NVL: variants seen among roughly 807,000 people sequenced by gnomAD.
NVL encodes the protein nuclear valosin-containing protein-like.
A neutral mutation model predicts 110.2 loss-of-function variants in NVL; 84 were observed. The observed-to-expected ratio is 0.76, with a 90% CI of 0.64 to 0.91. NVL has a LOEUF of 0.91. NVL is among the 40% of genes least tolerant of loss of function. The probability of loss-of-function intolerance (pLI) is 0.00; values close to 1 mark genes in which losing one functional copy is unlikely to be tolerated. For synonymous variants in NVL, 354 were observed against 361.1 expected, an observed-to-expected ratio of 0.98 and a Z score of 0.22; for missense variants, 882 against 1,035.9, an observed-to-expected ratio of 0.85 and a Z score of 2.04.
At chr1:224,238,812 T>C (rs1278552407) in intron 19 of NVL, among the ~76,000 whole-genome samples, 1 of 152,166 alleles carries the variant, frequency 6.6e-6, no homozygotes, top group East Asian at 1.9e-4. Context: ...TGTGGGAATG[T>C]TCTATTTTAT....
intron 13 of NVL, chr1:224,289,080 C>T (rs1019523556): frequency 1.3e-4 from 23 of 173,126 alleles, no homozygotes; most frequent in Non-Finnish European, 1.2e-4. Context: ...CTGTAAACAC[C>T]GTAGGCTTTG....
intron 19 of NVL, among the ~76,000 whole-genome samples, chr1:224,237,953 C>G (rs1404072500): frequency 7.5e-6 from 1 of 133,830 alleles, no homozygotes; most frequent in African/African-American, 3.1e-5. Flanking sequence ...GAGTTGGAGA[C>G]TTGGTTTCAA....
At chr1:224,301,983 T>C (rs1437500109) in intron 9 of NVL, among the ~76,000 whole-genome samples, 1 of 152,146 alleles carries the variant, frequency 6.6e-6, no homozygotes, top group African/African-American at 2.4e-5. Flanking sequence ...CATTATTATG[T>C]ACAGCATTTA....
At chr1:224,309,544 A>G (rs1669308056) in intron 5 of NVL, among the ~76,000 whole-genome samples, 1 of 151,842 alleles carries the variant, frequency 6.6e-6, no homozygotes, top group Admixed American at 6.6e-5. Flanking sequence ...AAATATTTTG[A>G]TAATATATTC....
At chr1:224,228,829 C>T (rs1418650456) in intron 22 of NVL, among the ~76,000 whole-genome samples, 3 of 144,154 alleles carry the variant, frequency 2.1e-5, no homozygotes, top group East Asian at 4.1e-4. Context: ...GTCCCAGCTA[C>T]TCGGGAGGCT....
intron 4 of NVL, chr1:224,312,174 T>G (rs1198184907): frequency 3.7e-5 from 7 of 187,570 alleles, no homozygotes; most frequent in African/African-American, 1.6e-4. Context: ...AAATTATAGT[T>G]ATATTTATCC....
intron 19 of NVL, among the ~76,000 whole-genome samples, chr1:224,240,503 G>A (rs926529080): frequency 5.3e-5 from 8 of 152,150 alleles, no homozygotes; most frequent in South Asian, 4.1e-4. Flanking sequence ...GAGCCACAGC[G>A]CCCAGCAGAG....
intron 4 of NVL, chr1:224,312,157 G>A: frequency 4.7e-6 from 1 of 211,740 alleles, no homozygotes; most frequent in South Asian, 1.4e-4. Context: ...TATAATAAAT[G>A]CAAAATAAAT....
intron 19 of NVL, among the ~76,000 whole-genome samples, chr1:224,248,145 C>A (rs181323097): frequency 6.6e-6 from 1 of 152,288 alleles, no homozygotes; most frequent in East Asian, 1.9e-4. Flanking sequence ...ATCTCCCAGA[C>A]CTCTAATCCT....
At chr1:224,303,576 C>T in intron 9 of NVL, 147 bp downstream of exon 9, 1 of 660,904 alleles carries the variant, frequency 1.5e-6, no homozygotes, top group Non-Finnish European at 2.4e-6. Flanking sequence ...CAAATAATAC[C>T]AGCATGATAA....
chr1:224,298,395 ATG>A (rs1043695091), intron 10 of NVL: 5 of 178,882 alleles, frequency 2.8e-5, no homozygotes, highest in Admixed American at 1.9e-4. Context: ...AAGAGAATCA[ATG>A]TGTGCGAGAA....
intron 19 of NVL, among the ~76,000 whole-genome samples, chr1:224,240,160 C>T (rs1661020589): frequency 1.3e-5 from 2 of 151,258 alleles, no homozygotes; most frequent in Admixed American, 1.3e-4. Flanking sequence ...CTCCGCCCCT[C>T]AGGTTCAAGC....
intron 18 of NVL, among the ~76,000 whole-genome samples, chr1:224,259,413 A>T (rs1217006165): frequency 6.6e-6 from 1 of 152,120 alleles, no homozygotes; most frequent in East Asian, 1.9e-4. Context: ...TTCTAAGATT[A>T]GATTGTTGGG....
intron 5 of NVL, among the ~76,000 whole-genome samples, chr1:224,309,519 C>A (rs766315823): frequency 2.7e-5 from 4 of 150,806 alleles, no homozygotes; most frequent in Non-Finnish European, 4.4e-5. Context: ...ACCCTGTCCC[C>A]GTGAAAACTG....
chr1:224,295,991 C>T (rs1667846332), intron 11 of NVL, among the ~76,000 whole-genome samples: 1 of 145,690 alleles, frequency 6.9e-6, no homozygotes. Context: ...AAAAGCCAGG[C>T]ATGGTGGTGC....
chr1:224,275,561 T>A, intron 16 of NVL, 103 bp from the exon 17 acceptor site: 1 of 1,429,148 alleles, frequency 7.0e-7, no homozygotes, highest in Non-Finnish European at 9.7e-7. Context: ...GTTTTATGTG[T>A]CAAAGTCCAG....
At chr1:224,307,530 CA>C (rs1437896470) in intron 6 of NVL, among the ~76,000 whole-genome samples, 2 of 151,906 alleles carry the variant, frequency 1.3e-5, no homozygotes, top group African/African-American at 2.4e-5. Flanking sequence ...TGCAAAACAC[CA>C]TCTCTAGAAA....
At position 224,289,693 on chromosome 1, in the gene NVL, C is replaced by T. The variant is rs755757900; in HGVS notation, c.1366G>A (p.Ala456Thr). ...TGTGCTAAGTGACAGAAATCAAAAGCTTGAGGAAGCCTCAGTTTTCTGCAC... is the reference window on the plus strand; with the variant it reads ...TGTGCTAAGTGACAGAAATCAAAAGTTTGAGGAAGCCTCAGTTTTCTGCAC... ...TLCRKLRLPQ[A>T]FDFCHLAHLT... is the part of the protein sequence containing the mutation. Residue 456 changes from alanine to threonine, a missense_variant, in exon 13 of 23, where the codon GCT becomes ACT. Physicochemically the swap from Ala to Thr is moderately conservative, Grantham distance 58 (BLOSUM62 0). Coordinates refer to ENST00000281701, the MANE Select transcript of NVL (RefSeq NM_002533.4). 50 of 1,614,064 alleles carry T rather than the reference C, an allele frequency of 3.1e-5. No individual in the cohort carries two copies. The highest frequency in any genetic ancestry group is 4.0e-5 in the African/African-American group (3 of 74,958).
chr1:224,319,153 CAAAAA>C (rs770885193), intron 2 of NVL, among the ~76,000 whole-genome samples: 1 of 47,104 alleles, frequency 2.1e-5, no homozygotes, highest in Non-Finnish European at 3.8e-5. Flanking sequence ...GACTCCGTCT[CAAAAA>C]AAAAAAAAAA....
Sources: gnomAD v4.1 joint callset for allele counts (sites outside exome capture counted in the v4.1 genomes callset) on GRCh38, gnomAD v4.1.1 for gene constraint, MANE v1.5 for transcripts, NCBI Gene and HGNC (gene_info 2026-07-23, HGNC 2026-07-21) for gene names.